RPL34: variants seen among roughly 807,000 people sequenced by gnomAD.
RPL34 encodes large ribosomal subunit protein eL34.
In RPL34, 2 loss-of-function variants were observed where a neutral mutation model predicts 16.3. That is an observed-to-expected ratio of 0.12 (90% CI 0.05 to 0.39). RPL34 has a LOEUF of 0.39. Ranked by LOEUF, RPL34 falls within the 10% of genes least tolerant of loss-of-function variation. RPL34 has a pLI of 0.99. For synonymous variants in RPL34, 47 were observed against 48.5 expected (o/e 0.97, Z 0.13); for missense variants, 82 against 148.8 (o/e 0.55, Z 2.33).
In RPL34 at chr4:108,622,032, T is replaced by A. The variant is rs560621609; in HGVS notation, c.65+8T>A. Reference sequence around the variant, plus strand: ...CTCTAACAAAACTAGGCTGTAAGTATTTCTGAAAATTTTAAGTATATATTG... The same window carrying A: ...CTCTAACAAAACTAGGCTGTAAGTAATTCTGAAAATTTTAAGTATATATTG... On this transcript the variant is annotated splice_region_variant and intron_variant, in intron 2 of 4. Transcript: ENST00000394667. The A allele has an allele frequency of 6.3e-7, 1 of 1,595,100 alleles. No homozygotes were observed. The highest frequency in any genetic ancestry group is 1.3e-5 in the African/African-American group (1 of 74,566).
intron 4 of RPL34, chr4:108,622,900 G>C (rs140978051): frequency 7.2e-4 from 216 of 298,156 alleles, no homozygotes; most frequent in African/African-American, 4.1e-3. Flanking sequence ...GATAGATGGA[G>C]TGTGGAAGGT....
downstream of RPL34, among the ~76,000 whole-genome samples, chr4:108,629,487 G>T (rs1178151447): frequency 1.3e-5 from 2 of 152,140 alleles, no homozygotes; most frequent in Non-Finnish European, 2.9e-5. Context: ...GCATTGACGG[G>T]TGTGAACATA....
chr4:108,623,639 C>G (rs1247047037), intron 4 of RPL34, among the ~76,000 whole-genome samples: 1 of 152,098 alleles, frequency 6.6e-6, no homozygotes, highest in African/African-American at 2.4e-5. Context: ...TCTATCTGAC[C>G]TCATGATCTG....
At position 108,625,301 on chromosome 4, in the gene RPL34, T is replaced by A. The variant is rs1725963199; in HGVS notation, c.*89T>A. On this transcript the variant is annotated 3_prime_UTR_variant, in exon 5 of 5. Coordinates refer to ENST00000394667, the MANE Select transcript of RPL34 (RefSeq NM_001319236.2). Reference sequence around the variant, plus strand: ...CTGTTGTAATGTGTTAGTATACAGATTTTGTTTCTGTATGGTATTTGGGGA... The same window carrying A: ...CTGTTGTAATGTGTTAGTATACAGAATTTGTTTCTGTATGGTATTTGGGGA... 2 of 727,646 alleles carry A rather than the reference T, an allele frequency of 2.7e-6. No individual in the cohort carries two copies. Among genetic ancestry groups the A allele is most frequent in the South Asian group, 3.5e-5 (2 of 57,068 alleles). 45.1% of individuals were successfully genotyped at this position (727,646 alleles called of 1,614,324 possible).
At chr4:108,624,142 G>A (rs534223403) in intron 4 of RPL34, among the ~76,000 whole-genome samples, 22 of 152,108 alleles carry the variant, frequency 1.4e-4, no homozygotes, top group Non-Finnish European at 3.2e-4. Context: ...ACAAATTCTC[G>A]GGCCTTATCT....
chr4:108,622,127 A>G lies in RPL34; in HGVS notation c.88A>G (p.Ile30Val). The change falls in exon 3 of 5, where the codon ATT (isoleucine) becomes GTT (valine). Residue 30 changes from isoleucine (I) to valine (V), a missense_variant. By Grantham distance (29) the Ile-to-Val change is conservative. Transcript: ENST00000394667. ...TAGGTCCCGAACCCCTGGTAATAGAATTGTTTACCTTTATACCAAGAAGGT... is the reference window on the plus strand; with the variant it reads ...TAGGTCCCGAACCCCTGGTAATAGAGTTGTTTACCTTTATACCAAGAAGGT... ...TRLSRTPGNR[I>V]VYLYTKKVGK... 6.2e-7 allele frequency: 1 copy of G among 1,613,876 alleles called. No homozygotes were observed. The highest frequency in any genetic ancestry group is 8.5e-7 in the Non-Finnish European group (1 of 1,179,806).
downstream of RPL34, among the ~76,000 whole-genome samples, chr4:108,626,668 A>C (rs1020749587): frequency 6.6e-6 from 1 of 151,954 alleles, no homozygotes; most frequent in Admixed American, 6.6e-5. Flanking sequence ...TGAACTCTTG[A>C]TCTCAAGTGA....
downstream of RPL34, among the ~76,000 whole-genome samples, chr4:108,628,474 A>T (rs1286873904): frequency 1.3e-5 from 2 of 152,200 alleles, no homozygotes; most frequent in Non-Finnish European, 2.9e-5. Context: ...AGTTTTTGAA[A>T]GGTTTGAGAT....
chr4:108,625,454 C>T (rs1006818531), downstream of RPL34: 29 of 357,900 alleles, frequency 8.1e-5, no homozygotes, highest in Admixed American at 4.7e-4. Flanking sequence ...GGCAGGATCT[C>T]GGCTCACCGC....
At chr4:108,621,887 C>G in intron 1 of RPL34, 64 bp from the exon 2 acceptor site, 2 of 1,068,220 alleles carry the variant, frequency 1.9e-6, no homozygotes, top group Admixed American at 1.7e-5. Flanking sequence ...CCACATGATA[C>G]TGTTTTGAGA....
At chr4:108,628,639 A>AG (rs1194290138), downstream of RPL34, among the ~76,000 whole-genome samples, 1 of 152,212 alleles carries the variant, frequency 6.6e-6, no homozygotes, top group Non-Finnish European at 1.5e-5. Context: ...GGAACTAGCA[A>AG]GTTTCAGCAA....
Position 108,622,518 on chromosome 4 carries a change from C to T in RPL34, c.169C>T (p.Arg57Cys), listed in dbSNP as rs769351504. Residue 57 changes from arginine (R) to cysteine (C), a missense_variant, in exon 4 of 5, where the codon CGT becomes TGT. Transcript: ENST00000394667. ...GVCPGRLRGV[R>C]AVRPKVLMRL... ...TCTTAATATTTTTCTTATGCAGGTT[C>T]GTGCTGTAAGACCTAAAGTTCTTAT... 2.1e-5 allele frequency: 33 copies of T among 1,606,668 alleles called. No individual in the cohort carries two copies. The highest frequency in any genetic ancestry group is 2.7e-5 in the African/African-American group (2 of 74,598).
chr4:108,624,441 T>C (rs1725914754), intron 4 of RPL34, among the ~76,000 whole-genome samples: 1 of 152,168 alleles, frequency 6.6e-6, no homozygotes, highest in African/African-American at 2.4e-5. Context: ...GTAACTCTGA[T>C]TTAACAAATG....
chr4:108,623,413 T>A (rs1725865403), intron 4 of RPL34: 1 of 152,120 alleles, frequency 6.6e-6, no homozygotes, highest in South Asian at 2.1e-4. Flanking sequence ...ATTCTTTTAT[T>A]GATTGATTGA....
downstream of RPL34, chr4:108,630,008 C>T (rs1156299409): frequency 6.6e-6 from 1 of 152,120 alleles, no homozygotes; most frequent in East Asian, 1.9e-4. Context: ...AATAATTATT[C>T]TGCCATTATT....
intron 4 of RPL34, chr4:108,623,326 C>G (rs1258711172): frequency 1.3e-5 from 2 of 151,324 alleles, no homozygotes; most frequent in East Asian, 1.9e-4. Flanking sequence ...GAGCGAAACT[C>G]TGTCTCAAAA....
At chr4:108,630,446 A>C (rs1358699643), downstream of RPL34, 1 of 152,186 alleles carries the variant, frequency 6.6e-6, no homozygotes. Flanking sequence ...CTCTGTATGA[A>C]TGGAAGGGAA....
intron 1 of RPL34, 73 bp from the exon 2 acceptor site, chr4:108,621,878 C>A: frequency 2.0e-6 from 2 of 976,094 alleles, no homozygotes; most frequent in Non-Finnish European, 1.7e-6. Context: ...TGAAATAGAC[C>A]ACATGATACT....
chr4:108,622,650 G>A (rs370115676), intron 4 of RPL34, 32 bp downstream of exon 4: 54 of 1,358,490 alleles, frequency 4.0e-5, no homozygotes, highest in Non-Finnish European at 5.2e-5. Flanking sequence ...GCTTTCCTTA[G>A]CAAATTATTG....
Sources: allele counts gnomAD v4.1 joint callset (sites outside exome capture counted in the v4.1 genomes callset), GRCh38; gene constraint gnomAD v4.1.1; transcripts MANE v1.5; gene names NCBI Gene and HGNC (gene_info 2026-07-23, HGNC 2026-07-21).